MYOM1: variants seen among roughly 807,000 people sequenced by gnomAD.
MYOM1 encodes the protein myomesin-1.
In MYOM1, 164 loss-of-function variants were observed where a neutral mutation model predicts 205.3. The observed-to-expected ratio is 0.80, with a 90% confidence interval of 0.70 to 0.91. The LOEUF (loss-of-function observed/expected upper bound fraction) is 0.91. Among genes scored for constraint, MYOM1 ranks in the 40% least tolerant of loss-of-function variants. The pLI is 0.00. For synonymous variants in MYOM1, 772 were observed against 789.4 expected, an observed-to-expected ratio of 0.98 and a Z score of 0.37; for missense variants, 2,011 against 2,127.3, an observed-to-expected ratio of 0.95 and a Z score of 1.08.
intron 14 of MYOM1, among the ~76,000 whole-genome samples, chr18:3,137,073 C>T (rs2079979156): frequency 6.6e-6 from 1 of 151,964 alleles, no homozygotes; most frequent in Admixed American, 6.6e-5. Context: ...GCCTCAGCCT[C>T]CCGAGTAGCT....
intron 29 of MYOM1, among the ~76,000 whole-genome samples, chr18:3,087,282 A>G (rs1189798436): frequency 6.6e-6 from 1 of 151,680 alleles, no homozygotes; most frequent in Non-Finnish European, 1.5e-5. Context: ...GTTGTTAGAA[A>G]AGATACTAGT....
At position 3,205,270 on chromosome 18, in the gene MYOM1, G is replaced by C. The variant is rs553825008; in HGVS notation, c.290+9664C>G. On this transcript the variant is annotated intron_variant, in intron 2 of 37. Transcript: ENST00000356443. ...CTTCTGGTTTTGGAAAGACACTGCA[G>C]TAAAGAGAAGGAAAAGACAAGGCAC... 2.0e-3 allele frequency among the ~76,000 whole-genome samples: 310 copies of C among 152,134 alleles called. 1 individual carries two copies. Among genetic ancestry groups the C allele is most frequent in the Non-Finnish European group, 3.6e-3 (244 of 67,942 alleles).
chr18:3,109,553 T>A (rs1201722337), intron 22 of MYOM1, among the ~76,000 whole-genome samples: 1 of 152,206 alleles, frequency 6.6e-6, no homozygotes, highest in African/African-American at 2.4e-5. Context: ...AAATTTGGCA[T>A]AACTTAGATT....
intron 3 of MYOM1, among the ~76,000 whole-genome samples, chr18:3,191,749 G>T (rs1322665646): frequency 6.6e-6 from 1 of 150,902 alleles, no homozygotes; most frequent in Non-Finnish European, 1.5e-5. Context: ...AGGCTGGAGT[G>T]CAGTGGCGTG....
chr18:3,223,312 GA>G (rs1291787899), upstream of MYOM1, among the ~76,000 whole-genome samples: 27 of 152,164 alleles, frequency 1.8e-4, no homozygotes, highest in African/African-American at 4.8e-4. Flanking sequence ...CTACCATTAT[GA>G]GGACTTATAT....
At chr18:3,148,808 T>C (rs1250135194) in intron 13 of MYOM1, among the ~76,000 whole-genome samples, 23 of 123,012 alleles carry the variant, frequency 1.9e-4, no homozygotes, top group Non-Finnish European at 1.4e-4. Flanking sequence ...ATCGCACCAT[T>C]GCACTCCACC....
At chr18:3,214,360 C>A (rs775156670) in intron 2 of MYOM1, among the ~76,000 whole-genome samples, 2 of 152,130 alleles carry the variant, frequency 1.3e-5, no homozygotes, top group Non-Finnish European at 2.9e-5. Context: ...TTTGCCTGCT[C>A]TTAGAAATAG....
chr18:3,136,244 C>T (rs1182345372), intron 14 of MYOM1, among the ~76,000 whole-genome samples: 1 of 152,044 alleles, frequency 6.6e-6, no homozygotes, highest in Non-Finnish European at 1.5e-5. Flanking sequence ...TACCCAGTCT[C>T]TGGTATGTCG....
At chr18:3,110,123 T>A (rs2079504592) in intron 22 of MYOM1, among the ~76,000 whole-genome samples, 1 of 152,252 alleles carries the variant, frequency 6.6e-6, no homozygotes, top group Admixed American at 6.5e-5. Flanking sequence ...CATTTTGTAA[T>A]CTGATATGAT....
rs370736901 is a variant in MYOM1, at chr18:3,176,041, C to T, written c.1022+1G>A. 2.0e-5 allele frequency: 31 copies of T among 1,550,382 alleles called. No individual in the cohort carries two copies. Among genetic ancestry groups the T allele is most frequent in the African/African-American group, 2.7e-5 (2 of 73,456 alleles). On this transcript the variant is annotated splice_donor_variant, in intron 6 of 37. Coordinates refer to ENST00000356443, the MANE Select transcript of MYOM1 (RefSeq NM_003803.4). LOFTEE classifies it high-confidence loss of function. ...ACACATGGACACTAATGTTCTCTTA[C>T]CCATTAATCTCCAGAGTGTGCATCC...
At chr18:3,180,502 G>A (rs1236565352) in intron 5 of MYOM1, among the ~76,000 whole-genome samples, 1 of 152,170 alleles carries the variant, frequency 6.6e-6, no homozygotes. Context: ...CTTTAAGTCA[G>A]GGAAGAAAAG....
chr18:3,177,671 C>T (rs1301464280), intron 5 of MYOM1, among the ~76,000 whole-genome samples: 1 of 152,052 alleles, frequency 6.6e-6, no homozygotes. Flanking sequence ...TGGGGTTTCA[C>T]CATGTTGGTC....
chr18:3,112,713 G>A (rs950081502), intron 21 of MYOM1, among the ~76,000 whole-genome samples: 4 of 152,176 alleles, frequency 2.6e-5, no homozygotes, highest in East Asian at 3.8e-4. Flanking sequence ...ACTAGTGTAC[G>A]TAGGTGTCAC....
At chr18:3,183,212 G>A (rs1032282270) in intron 5 of MYOM1, among the ~76,000 whole-genome samples, 13 of 152,126 alleles carry the variant, frequency 8.5e-5, no homozygotes, top group African/African-American at 4.8e-5. Flanking sequence ...TACAGGCGTG[G>A]GCCACCACGC....
intron 5 of MYOM1, among the ~76,000 whole-genome samples, chr18:3,178,417 C>T (rs2080681410): frequency 6.6e-6 from 1 of 152,204 alleles, no homozygotes; most frequent in African/African-American, 2.4e-5. Flanking sequence ...CCACATGATG[C>T]TTCCATTTTC....
At chr18:3,111,470 G>A (rs1170123099) in intron 22 of MYOM1, among the ~76,000 whole-genome samples, 1 of 152,114 alleles carries the variant, frequency 6.6e-6, no homozygotes, top group African/African-American at 2.4e-5. Flanking sequence ...AAACCATTCA[G>A]TTGGGACCAC....
intron 22 of MYOM1, among the ~76,000 whole-genome samples, chr18:3,104,715 T>A (rs2143771658): frequency 6.6e-6 from 1 of 151,374 alleles, no homozygotes; most frequent in South Asian, 2.1e-4. Context: ...CACACACTAG[T>A]ATGCTGCACA....
chr18:3,094,079 GT>G (rs2079264521), intron 26 of MYOM1, 90 bp downstream of exon 26: 3 of 1,388,238 alleles, frequency 2.2e-6, no homozygotes, highest in Non-Finnish European at 3.0e-6. Context: ...CCACCCAGCG[GT>G]TTTTATAACA....
At chr18:3,096,141 G>C (rs776151547) in intron 25 of MYOM1, among the ~76,000 whole-genome samples, 2 of 152,144 alleles carry the variant, frequency 1.3e-5, no homozygotes, top group Non-Finnish European at 2.9e-5. Flanking sequence ...AGCAAATGTG[G>C]CCGTGCCTAC....
Sources: gnomAD v4.1 joint callset for allele counts (sites outside exome capture counted in the v4.1 genomes callset) on GRCh38, gnomAD v4.1.1 for gene constraint, MANE v1.5 for transcripts, NCBI Gene and HGNC (gene_info 2026-07-23, HGNC 2026-07-21) for gene names.